JADE3: variants seen among roughly 807,000 people sequenced by gnomAD.
JADE3 encodes protein Jade-3.
A neutral mutation model predicts 50.1 loss-of-function variants in JADE3; 2 were observed. That is an observed-to-expected ratio of 0.04 (90% confidence interval 0.02 to 0.13). JADE3 has a LOEUF of 0.13. JADE3 is among the 10% of genes least tolerant of loss of function. JADE3 has a pLI of 1.00. For missense variants in JADE3, 475 were observed against 634.4 expected (o/e 0.75, Z 2.70); for synonymous variants, 218 against 232.9 (o/e 0.94, Z 0.58).
chrX:46,921,031 T>C (rs782186858), intron 1 of JADE3, among the ~76,000 whole-genome samples: 2 of 111,841 alleles, frequency 1.8e-5, no homozygotes, highest in Non-Finnish European at 3.8e-5. Flanking sequence ...CTTCCCACTT[T>C]GGCTTCCCAA....
chrX:47,048,462 C>A (rs1194710258), intron 8 of JADE3, among the ~76,000 whole-genome samples: 5 of 112,030 alleles, frequency 4.5e-5, no homozygotes, highest in African/African-American at 1.6e-4. Context: ...TCCATCAACT[C>A]GATGAAATGG....
chrX:46,963,875 T>C (rs1234030674), intron 1 of JADE3, among the ~76,000 whole-genome samples: 7 of 111,858 alleles, frequency 6.3e-5, no homozygotes, highest in South Asian at 3.8e-4. Context: ...ACAAAGCCAG[T>C]CCAGATTCAA....
intron 1 of JADE3, among the ~76,000 whole-genome samples, chrX:46,942,891 G>T (rs902940046): frequency 9.0e-6 from 1 of 111,491 alleles, no homozygotes; most frequent in Non-Finnish European, 1.9e-5. Context: ...GCAGTGTTTT[G>T]TAGTTCTCCT....
chrX:46,920,766 G>T (rs1417501791), intron 1 of JADE3, among the ~76,000 whole-genome samples: 1 of 112,109 alleles, frequency 8.9e-6, no homozygotes, highest in Non-Finnish European at 1.9e-5. Flanking sequence ...TCAAAAATCA[G>T]TTGACTATCC....
In JADE3 at chrX:47,060,334, C is replaced by G. The variant is rs782115649; in HGVS notation, c.*1257C>G. 1.8e-5 allele frequency: 2 copies of G among 110,967 alleles called. No individual in the cohort carries two copies. Among genetic ancestry groups the G allele is most frequent in the East Asian group, 5.7e-4 (2 of 3,513 alleles). 9.1% of individuals were successfully genotyped at this position (110,967 alleles called of 1,213,427 possible). ...GTGAAGCAGACTATAATTCTCAGCT[C>G]TCTTTTCTTCTTAGCCTTAAATTAA... On this transcript the variant is annotated 3_prime_UTR_variant, in exon 11 of 11. Coordinates refer to ENST00000614628, the MANE Select transcript of JADE3 (RefSeq NM_014735.5).
intron 3 of JADE3, among the ~76,000 whole-genome samples, chrX:46,993,273 A>G (rs1265840818): frequency 8.9e-6 from 1 of 112,000 alleles, no homozygotes; most frequent in Non-Finnish European, 1.9e-5. Flanking sequence ...CATATATTTT[A>G]ATTCAGTGGA....
At chrX:46,962,109 C>T (rs1411182771) in intron 1 of JADE3, among the ~76,000 whole-genome samples, 8 of 111,283 alleles carry the variant, frequency 7.2e-5, no homozygotes, top group South Asian at 3.8e-4. Flanking sequence ...AGCACCTGCG[C>T]CTCCTCACAG....
chrX:46,989,446 A>G (rs782645958), intron 3 of JADE3, among the ~76,000 whole-genome samples: 1 of 111,560 alleles, frequency 9.0e-6, no homozygotes, highest in Non-Finnish European at 1.9e-5. Context: ...TTTCTCCTTC[A>G]TTCCTGAAGG....
At chrX:46,994,608 T>C (rs782194122) in intron 3 of JADE3, among the ~76,000 whole-genome samples, 3 of 111,931 alleles carry the variant, frequency 2.7e-5, no homozygotes, top group Admixed American at 9.5e-5. Context: ...CTTTGGAACG[T>C]TAGTTAAAGT....
Position 47,039,059 on chromosome X carries a change from T to C in JADE3, c.966T>C (p.Cys322=). The C allele has an allele frequency of 9.1e-7, 1 of 1,101,044 alleles. No individual in the cohort carries two copies. The allele number at this position is 1,101,044 out of a possible 1,213,427, so 90.7% of individuals were successfully genotyped here. A position where few individuals can be genotyped will look rare whatever the true frequency, so the allele number is the denominator to read the frequency against. Residue 322 remains cysteine, a synonymous_variant, in exon 8 of 11, where the codon TGT becomes TGC. Transcript: ENST00000614628. ...TGTGCAAGTTGAAGACGGGGGCTTG[T>C]ATTCAGGTAAGTCCCCATGAGAAGT... ...CNLCKLKTGA[C]IQCSIKSCIT...
chrX:47,043,309 A>G (rs1183392956), intron 8 of JADE3, among the ~76,000 whole-genome samples: 2 of 112,304 alleles, frequency 1.8e-5, no homozygotes, highest in African/African-American at 6.5e-5. Context: ...ATGCCCAGAC[A>G]CTGATGAACA....
intron 1 of JADE3, among the ~76,000 whole-genome samples, chrX:46,924,831 G>A (rs1926321358): frequency 8.9e-6 from 1 of 112,259 alleles, no homozygotes; most frequent in South Asian, 3.7e-4. Context: ...TTGCGTCACT[G>A]AAAATTAGAG....
chrX:46,983,914 C>T (rs1927809887), intron 1 of JADE3, among the ~76,000 whole-genome samples: 1 of 111,384 alleles, frequency 9.0e-6, no homozygotes, highest in Admixed American at 9.6e-5. Context: ...AATTTTGTTG[C>T]TGCTATTCTT....
chrX:47,020,628 G>A (rs782066752), intron 4 of JADE3, among the ~76,000 whole-genome samples: 38 of 111,914 alleles, frequency 3.4e-4, no homozygotes, highest in Non-Finnish European at 5.5e-4. Flanking sequence ...TTATTGTCAT[G>A]GTCTTGGTCC....
chrX:46,978,257 A>G (rs142150838), intron 1 of JADE3, among the ~76,000 whole-genome samples: 112 of 112,210 alleles, frequency 1.0e-3, no homozygotes, highest in African/African-American at 3.4e-3. Context: ...AAGTTTATGA[A>G]TGTGTGTTTG....
intron 1 of JADE3, among the ~76,000 whole-genome samples, chrX:46,926,588 A>ACCACCACAAT (rs1569534096): frequency 8.9e-6 from 1 of 111,933 alleles, no homozygotes; most frequent in Non-Finnish European, 1.9e-5. Context: ...CAGTGCAACC[A>ACCACCACAAT]CCACCACAAT....
chrX:46,976,871 T>G (rs184757539), intron 1 of JADE3, among the ~76,000 whole-genome samples: 151 of 111,750 alleles, frequency 1.4e-3, no homozygotes, highest in Admixed American at 5.7e-3. Flanking sequence ...TGAATATTCA[T>G]GACAGGGACA....
intron 1 of JADE3, among the ~76,000 whole-genome samples, chrX:46,927,889 C>T (rs1339162569): frequency 5.4e-5 from 6 of 111,852 alleles, no homozygotes; most frequent in African/African-American, 9.8e-5. Flanking sequence ...AGAATTTTCC[C>T]GTATCCTATG....
intron 8 of JADE3, among the ~76,000 whole-genome samples, chrX:47,046,277 TAGA>T (rs1556370644): frequency 9.0e-6 from 1 of 111,680 alleles, no homozygotes; most frequent in Non-Finnish European, 1.9e-5. Flanking sequence ...CTGGAAAACC[TAGA>T]AGAAGTGAAC....
Sources: gnomAD v4.1 joint callset for allele counts (sites outside exome capture counted in the v4.1 genomes callset) on GRCh38, gnomAD v4.1.1 for gene constraint, MANE v1.5 for transcripts, NCBI Gene and HGNC (gene_info 2026-07-23, HGNC 2026-07-21) for gene names.